Variants in SMYD3 observed in about 807,000 individuals in gnomAD.
SMYD3 encodes the protein SET and MYND domain containing 3, also known as histone-lysine N-methyltransferase SMYD3.
SMYD3 carries 36 observed loss-of-function variants against 57.7 expected under a neutral mutation model. That is an observed-to-expected ratio of 0.62 (90% CI 0.48 to 0.82). The LOEUF is 0.82. SMYD3 is among the 40% of genes least tolerant of loss of function. The pLI is 0.00. For missense variants in SMYD3, 515 were observed against 538.8 expected, an observed-to-expected ratio of 0.96 and a Z score of 0.44; for synonymous variants, 211 against 195.0, an observed-to-expected ratio of 1.08 and a Z score of -0.68.
At chr1:245,859,724 C>T (rs1369641954) in intron 9 of SMYD3, among the ~76,000 whole-genome samples, 1 of 152,178 alleles carries the variant, frequency 6.6e-6, no homozygotes, top group African/African-American at 2.4e-5. Context: ...CCCAGTGGAG[C>T]TCCAAATTCA....
intron 1 of SMYD3, among the ~76,000 whole-genome samples, chr1:246,475,329 G>GAA (rs573868002): frequency 0.017 from 1,750 of 102,902 alleles, 50 homozygotes; most frequent in African/African-American, 0.051. Context: ...GACTGTCTCA[G>GAA]AAAAAAAAAA....
intron 1 of SMYD3, among the ~76,000 whole-genome samples, chr1:246,463,456 T>C (rs976707801): frequency 6.6e-6 from 1 of 151,658 alleles, no homozygotes; most frequent in Non-Finnish European, 1.5e-5. Flanking sequence ...GAGAATACTG[T>C]TTTAAACATG....
chr1:245,796,024 A>G (rs1299689708), intron 10 of SMYD3, among the ~76,000 whole-genome samples: 1 of 152,134 alleles, frequency 6.6e-6, no homozygotes, highest in Non-Finnish European at 1.5e-5. Flanking sequence ...GATCGCCCAA[A>G]CCACAGCTTA....
At position 246,248,642 on chromosome 1, in the gene SMYD3, T is replaced by G. The variant is rs866272244; in HGVS notation, c.531+78559A>C. The stretch of plus-strand genomic sequence containing the variant: ...CAAAAGCTCTCTGACTTTCCTTTTT[T>G]TTTTTTTTTTTTTTTTTGAGATGGA... On this transcript the variant is annotated intron_variant, in intron 5 of 11. Transcript: ENST00000490107. 1.4e-3 allele frequency among the ~76,000 whole-genome samples: 164 copies of G among 118,298 alleles called. 13 individuals carry two copies. The South Asian group carries it at 0.017, about 12-fold the overall frequency. 77.6% of individuals were successfully genotyped at this position (118,298 alleles called of 152,430 possible).
Position 246,335,454 on chromosome 1 carries a change from G to A in SMYD3, c.249C>T (p.His83=). 1 of 1,614,146 alleles carries A rather than the reference G, an allele frequency of 6.2e-7. No homozygotes were observed. The highest frequency in any genetic ancestry group is 8.5e-7 in the Non-Finnish European group (1 of 1,179,998). The change falls in exon 3 of 12, where the codon CAC becomes CAT. Residue 83 remains histidine, a synonymous_variant. Transcript: ENST00000490107. The part of the protein sequence containing the change: ...AKCQKKAWPD[H]KRECKCLKSC... ...TTTTAAGGCATTTGCATTCCCGCTTGTGGTCTGGCCAAGCTTTTTTCTATT... is the reference window on the plus strand; with the variant it reads ...TTTTAAGGCATTTGCATTCCCGCTTATGGTCTGGCCAAGCTTTTTTCTATT...
intron 10 of SMYD3, among the ~76,000 whole-genome samples, chr1:245,774,328 G>T (rs1007557157): frequency 6.6e-6 from 1 of 152,100 alleles, no homozygotes; most frequent in Non-Finnish European, 1.5e-5. Context: ...CATGATTGCC[G>T]GTAACAGAAG....
chr1:245,826,207 C>A (rs949459402), intron 10 of SMYD3, among the ~76,000 whole-genome samples: 1 of 151,798 alleles, frequency 6.6e-6, no homozygotes, highest in Non-Finnish European at 1.5e-5. Flanking sequence ...TTCCCCATTT[C>A]TCCTCCCTCC....
intron 5 of SMYD3, among the ~76,000 whole-genome samples, chr1:246,106,656 T>C (rs1182322536): frequency 6.6e-6 from 1 of 152,126 alleles, no homozygotes; most frequent in East Asian, 1.9e-4. Flanking sequence ...AATTGAAACG[T>C]CTCTTCCCTC....
intron 5 of SMYD3, among the ~76,000 whole-genome samples, chr1:246,231,703 A>G (rs2148449024): frequency 6.6e-6 from 1 of 152,324 alleles, no homozygotes; most frequent in Admixed American, 6.5e-5. Context: ...TTCATCAGAA[A>G]CAGGACTTGA....
At chr1:246,137,964 C>A (rs763972481) in intron 5 of SMYD3, among the ~76,000 whole-genome samples, 1 of 152,140 alleles carries the variant, frequency 6.6e-6, no homozygotes, top group Non-Finnish European at 1.5e-5. Flanking sequence ...GAACAAATTT[C>A]ATTTAGGCTT....
chr1:245,941,229 T>A (rs55974833), intron 5 of SMYD3, among the ~76,000 whole-genome samples: 1 of 151,560 alleles, frequency 6.6e-6, no homozygotes, highest in Non-Finnish European at 1.5e-5. Flanking sequence ...CAAAACCGAG[T>A]TGGAAAACAT....
chr1:245,914,521 A>G (rs2055251573), intron 8 of SMYD3, among the ~76,000 whole-genome samples: 1 of 152,226 alleles, frequency 6.6e-6, no homozygotes, highest in Admixed American at 6.5e-5. Context: ...TCAGGTGCAG[A>G]AAGATAAAAT....
At chr1:245,877,030 A>G (rs2052526212) in intron 8 of SMYD3, among the ~76,000 whole-genome samples, 1 of 152,138 alleles carries the variant, frequency 6.6e-6, no homozygotes, top group Admixed American at 6.5e-5. Context: ...CTATGGAAGC[A>G]TTAGACAAGG....
At chr1:245,954,737 A>G (rs899878652) in intron 5 of SMYD3, among the ~76,000 whole-genome samples, 7 of 152,084 alleles carry the variant, frequency 4.6e-5, no homozygotes, top group Admixed American at 6.5e-5. Flanking sequence ...TAATCAAATC[A>G]TATCTCTGTG....
At chr1:245,919,567 T>A (rs1185553456) in intron 7 of SMYD3, among the ~76,000 whole-genome samples, 1 of 152,180 alleles carries the variant, frequency 6.6e-6, no homozygotes, top group Non-Finnish European at 1.5e-5. Context: ...GGTTATCAAT[T>A]GTGAAGTGCT....
chr1:246,009,086 A>G (rs1274702370), intron 5 of SMYD3, among the ~76,000 whole-genome samples: 2 of 152,198 alleles, frequency 1.3e-5, no homozygotes, highest in African/African-American at 2.4e-5. Context: ...AACACTCAGT[A>G]AATGATAACT....
chr1:246,176,334 A>T (rs1028836862), intron 5 of SMYD3, among the ~76,000 whole-genome samples: 1 of 152,196 alleles, frequency 6.6e-6, no homozygotes, highest in Non-Finnish European at 1.5e-5. Flanking sequence ...CTTAAGAAGG[A>T]CTATATTTAG....
At chr1:245,781,708 C>T (rs536731460) in intron 10 of SMYD3, among the ~76,000 whole-genome samples, 2 of 152,252 alleles carry the variant, frequency 1.3e-5, no homozygotes, top group East Asian at 1.9e-4. Context: ...GGGCCAGGTG[C>T]GCTGGCTCAC....
chr1:245,812,700 C>CAAAAAAAAAAAAAAAAAAAAAAAAAA (rs201426225), intron 10 of SMYD3, among the ~76,000 whole-genome samples: 1 of 46,586 alleles, frequency 2.1e-5, no homozygotes, highest in Admixed American at 2.0e-4. Flanking sequence ...AACAACAGTT[C>CAAAAAAAAAAAAAAAAAAAAAAAAAA]CAAAAAAAAA....
Sources: allele counts gnomAD v4.1 joint callset (sites outside exome capture counted in the v4.1 genomes callset), GRCh38; gene constraint gnomAD v4.1.1; transcripts MANE v1.5; gene names NCBI Gene and HGNC (gene_info 2026-07-23, HGNC 2026-07-21).